Variants in TMEM91 observed in about 807,000 individuals in gnomAD.
The protein encoded by TMEM91 is transmembrane protein 91, also known as dispanin subfamily C member 3.
A neutral mutation model predicts 13.3 loss-of-function variants in TMEM91; 6 were observed. That is an observed-to-expected ratio of 0.45 (90% CI 0.25 to 0.89). The LOEUF (loss-of-function observed/expected upper bound fraction) is 0.89. Ranked by LOEUF, TMEM91 falls within the 40% of genes least tolerant of loss-of-function variation. The probability of loss-of-function intolerance (pLI) is 0.19; values close to 1 mark genes in which losing one functional copy is unlikely to be tolerated. For missense variants in TMEM91, 193 were observed against 228.7 expected (o/e 0.84, Z 1.01); for synonymous variants, 87 against 101.7 (o/e 0.86, Z 0.87).
intron 1 of TMEM91, among the ~76,000 whole-genome samples, chr19:41,370,382 A>G (rs2038595115): frequency 1.2e-5 from 1 of 83,778 alleles, no homozygotes; most frequent in Non-Finnish European, 2.6e-5. Flanking sequence ...CCACCTATTT[A>G]TTTATTTTTA....
At chr19:41,373,121 G>C (rs1487818442), upstream of TMEM91, among the ~76,000 whole-genome samples, 3 of 151,966 alleles carry the variant, frequency 2.0e-5, no homozygotes, top group African/African-American at 7.3e-5. Context: ...TTTATTTTTT[G>C]TAGAGACAAA....
In TMEM91 at chr19:41,378,432, C is replaced by T. The variant is rs73931469; in HGVS notation, c.123C>T (p.Ala41=). 9.1e-4 allele frequency: 1,468 copies of T among 1,614,144 alleles called. 8 individuals carry two copies. In the African/African-American group the frequency reaches 0.013, roughly 15 times the overall value. Residue 41 remains alanine (A), a synonymous_variant, in exon 2 of 4, where the codon GCC becomes GCT. Transcript: ENST00000392002. ...CCCCCTTAAGAGAGATAGCCTTTGC[C>T]GAGTCCCTGAGGGGTTTGCAGTTCC... is the stretch of plus-strand genomic sequence containing the variant. The part of the protein sequence containing the change: ...LGSPLREIAF[A]ESLRGLQFLS...
intron 2 of TMEM91, among the ~76,000 whole-genome samples, chr19:41,381,946 A>G (rs1349499340): frequency 6.6e-6 from 1 of 151,668 alleles, no homozygotes; most frequent in Non-Finnish European, 1.5e-5. Context: ...GCTCACTGCA[A>G]CCTCCACATC....
At chr19:41,365,707 G>GTTTTTT (rs3061204) in intron 1 of TMEM91, among the ~76,000 whole-genome samples, 2 of 69,668 alleles carry the variant, frequency 2.9e-5, no homozygotes, top group Admixed American at 1.7e-4. Flanking sequence ...GACCGGCCGG[G>GTTTTTT]TTTTTTTTTT....
At chr19:41,365,487 C>G (rs1415086892) in intron 1 of TMEM91, among the ~76,000 whole-genome samples, 1 of 152,010 alleles carries the variant, frequency 6.6e-6, no homozygotes, top group Non-Finnish European at 1.5e-5. Context: ...TCACTGCAAT[C>G]TCTGCCTCCC....
intron 1 of TMEM91, among the ~76,000 whole-genome samples, chr19:41,367,065 T>C (rs2038539229): frequency 6.6e-6 from 1 of 152,020 alleles, no homozygotes; most frequent in Admixed American, 6.6e-5. Flanking sequence ...CACTTGAACC[T>C]GGGAGGCAGC....
chr19:41,372,742 C>A (rs1309289796), upstream of TMEM91, among the ~76,000 whole-genome samples: 4 of 152,068 alleles, frequency 2.6e-5, no homozygotes, highest in Non-Finnish European at 5.9e-5. Context: ...GTGATATTAA[C>A]TTGTATCATC....
At chr19:41,376,970 CAGGCAGG>C (rs1285233110) in intron 1 of TMEM91, 116 bp downstream of exon 1, 3 of 152,572 alleles carry the variant, frequency 2.0e-5, no homozygotes, top group Non-Finnish European at 4.4e-5. Context: ...TTGGAATGAG[CAGGCAGG>C]AGGCTTGGGG....
chr19:41,369,715 C>T (rs984403576), intron 1 of TMEM91, among the ~76,000 whole-genome samples: 7 of 151,554 alleles, frequency 4.6e-5, no homozygotes, highest in African/African-American at 1.5e-4. Context: ...GGCTGAGGCA[C>T]GAGAATCACT....
intron 1 of TMEM91, among the ~76,000 whole-genome samples, chr19:41,370,397 A>T (rs1370289726): frequency 8.4e-6 from 1 of 119,518 alleles, no homozygotes; most frequent in Non-Finnish European, 1.8e-5. Context: ...TTTTTATTTT[A>T]TTTATTTATT....
Position 41,367,149 on chromosome 19 carries a change from G to GA in TMEM91, c.-30+3062dup, listed in dbSNP as rs1568488203. 2.0e-5 allele frequency among the ~76,000 whole-genome samples: 3 copies of GA among 151,184 alleles called. No individual in the cohort carries two copies. The South Asian group carries it at 6.3e-4, about 32-fold the overall frequency. ...GAGCCAGACTTCTACTCTCAAAAAA[G>GA]AAAAAAAAGAAAAGAAAGGAAAATA... On this transcript the variant is annotated intron_variant, in intron 1 of 3. Coordinates refer to the TMEM91 transcript ENST00000413014.
intron 2 of TMEM91, among the ~76,000 whole-genome samples, chr19:41,379,728 G>C (rs1326892298): frequency 1.3e-5 from 2 of 151,998 alleles, no homozygotes; most frequent in Non-Finnish European, 2.9e-5. Context: ...CAACAATCAT[G>C]ATGAACTCTT....
intron 3 of TMEM91, chr19:41,383,343 G>C: frequency 2.0e-6 from 1 of 491,074 alleles, no homozygotes; most frequent in South Asian, 5.5e-5. Flanking sequence ...CGTGAGCCAC[G>C]GTGCCCAGCT....
chr19:41,365,573 T>C (rs1200376484), intron 1 of TMEM91, among the ~76,000 whole-genome samples: 3 of 150,648 alleles, frequency 2.0e-5, no homozygotes, highest in Non-Finnish European at 4.4e-5. Flanking sequence ...CCCAGCTAAT[T>C]TTTGTATTTT....
intron 1 of TMEM91, among the ~76,000 whole-genome samples, chr19:41,366,877 C>G (rs893704737): frequency 6.6e-6 from 1 of 152,110 alleles, no homozygotes; most frequent in African/African-American, 2.4e-5. Context: ...GTGGTTCATG[C>G]CCGTAATCCC....
intron 2 of TMEM91, among the ~76,000 whole-genome samples, chr19:41,381,888 T>C (rs995868205): frequency 6.6e-6 from 1 of 151,986 alleles, no homozygotes; most frequent in African/African-American, 2.4e-5. Context: ...TTTTTTGAGA[T>C]GGAGTCTCAC....
intron 1 of TMEM91, among the ~76,000 whole-genome samples, chr19:41,367,847 C>G (rs2038553189): frequency 6.6e-6 from 1 of 152,094 alleles, no homozygotes. Flanking sequence ...GTTGCCCAGG[C>G]TTGTCTCAAA....
At chr19:41,372,594 C>T (rs1015613376), upstream of TMEM91, among the ~76,000 whole-genome samples, 2 of 152,054 alleles carry the variant, frequency 1.3e-5, no homozygotes, top group African/African-American at 4.8e-5. Flanking sequence ...TGTAGAGTGT[C>T]CCTCATTTTG....
At chr19:41,374,468 T>G (rs2038673573), upstream of TMEM91, 1 of 152,220 alleles carries the variant, frequency 6.6e-6, no homozygotes, top group South Asian at 2.1e-4. Flanking sequence ...GGATATCTGT[T>G]CTTTTTATTT....
Sources: allele counts gnomAD v4.1 joint callset (sites outside exome capture counted in the v4.1 genomes callset), GRCh38; gene constraint gnomAD v4.1.1; transcripts MANE v1.5; gene names NCBI Gene and HGNC (gene_info 2026-07-23, HGNC 2026-07-21).